The following DKKL1 variants were observed in gnomAD, a reference collection of about 807,000 sequenced individuals.
DKKL1 encodes the protein dickkopf like acrosomal protein 1.
DKKL1 carries 11 observed loss-of-function variants against 16.5 expected under a neutral mutation model. That is an observed-to-expected ratio of 0.67 (90% CI 0.42 to 1.10). DKKL1 has a LOEUF of 1.10. DKKL1 is among the 50% of genes least tolerant of loss of function. The pLI, the probability that DKKL1 is intolerant of heterozygous loss-of-function variation, is 0.00. For missense variants in DKKL1, 320 were observed against 308.1 expected (o/e 1.04, Z -0.29); for synonymous variants, 119 against 133.2 (o/e 0.89, Z 0.73).
At chr19:49,373,603 G>C (rs1373902202) in intron 4 of DKKL1, among the ~76,000 whole-genome samples, 1 of 152,018 alleles carries the variant, frequency 6.6e-6, no homozygotes, top group Non-Finnish European at 1.5e-5. Flanking sequence ...CCAAGTAGCT[G>C]GGATTACATG....
At chr19:49,370,782 T>C (rs1453142778) in intron 4 of DKKL1, 1 of 151,880 alleles carries the variant, frequency 6.6e-6, no homozygotes, top group African/African-American at 2.4e-5. Flanking sequence ...TCCAGGTAAA[T>C]GATTTCAAGG....
chr19:49,363,869 T>G, upstream of DKKL1: 1 of 1,363,556 alleles, frequency 7.3e-7, no homozygotes, highest in South Asian at 1.3e-5. Flanking sequence ...CAACCAACGC[T>G]CTAGACCAGA....
At chr19:49,368,437 G>C (rs1450246528) in intron 4 of DKKL1, among the ~76,000 whole-genome samples, 1 of 151,920 alleles carries the variant, frequency 6.6e-6, no homozygotes, top group Admixed American at 6.6e-5. Context: ...AGTGGGCCCA[G>C]ATCATGCCAC....
chr19:49,373,728 G>A (rs569694290), intron 4 of DKKL1, among the ~76,000 whole-genome samples: 5 of 151,942 alleles, frequency 3.3e-5, no homozygotes, highest in Admixed American at 3.3e-4. Flanking sequence ...CCTCAGCCTC[G>A]CAAAGTGCTG....
chr19:49,366,940 T>C (rs553145597), intron 4 of DKKL1, among the ~76,000 whole-genome samples: 1 of 152,098 alleles, frequency 6.6e-6, no homozygotes, highest in African/African-American at 2.4e-5. Flanking sequence ...ACTCCTGAGC[T>C]CAGGCAATCC....
intron 3 of DKKL1, 65 bp from the exon 4 acceptor site, chr19:49,365,728 T>C: frequency 6.2e-7 from 1 of 1,601,956 alleles, no homozygotes; most frequent in Non-Finnish European, 8.5e-7. Context: ...CAGTATCTGT[T>C]GGGAGGGAAG....
At chr19:49,363,875 C>T, upstream of DKKL1, 1 of 1,400,440 alleles carries the variant, frequency 7.1e-7, no homozygotes, top group East Asian at 2.5e-5. Context: ...ACGCTCTAGA[C>T]CAGACCTGGG....
intron 4 of DKKL1, among the ~76,000 whole-genome samples, chr19:49,371,929 T>C (rs1483924339): frequency 6.6e-6 from 1 of 152,216 alleles, no homozygotes; most frequent in East Asian, 1.9e-4. Flanking sequence ...TTCATCCATG[T>C]CCCTGCAAAG....
chr19:49,373,790 T>C (rs1182451170), intron 4 of DKKL1, among the ~76,000 whole-genome samples: 1 of 151,922 alleles, frequency 6.6e-6, no homozygotes, highest in East Asian at 1.9e-4. Flanking sequence ...ATTTAACACA[T>C]AACAATCTCC....
rs1234909589 is a variant in DKKL1 at position 49,373,233 on chromosome 19, G to A, written c.418-1484G>A. ...TGGGAGAATCGCTTGAACCCAGGAG[G>A]CAGAGGCTGCAGTGAGCCGAGATTG... On this transcript the variant is annotated intron_variant, in intron 4 of 4. Transcript: ENST00000221498. 2.6e-5 allele frequency among the ~76,000 whole-genome samples: 4 copies of A among 151,218 alleles called. No individual in the cohort carries two copies. The East Asian group carries it at 8.0e-4, about 30-fold the overall frequency.
In DKKL1 at chr19:49,374,698, C is replaced by G; in HGVS notation, c.418-19C>G. The G allele has an allele frequency of 6.6e-7, 1 of 1,517,552 alleles. No individual in the cohort carries two copies. Among genetic ancestry groups the G allele is most frequent in the African/African-American group, 1.4e-5 (1 of 71,882 alleles). The allele number at this position is 1,517,552 out of a possible 1,614,324, so 94.0% of individuals were successfully genotyped here. A position where few individuals can be genotyped will look rare whatever the true frequency, so the allele number is the denominator to read the frequency against. ...TGCTGTTTGGAGTATGAGAGGGTCT[C>G]CTTGTTCTTCCTCCCCAGGTACCCA... On this transcript the variant is annotated intron_variant, in intron 4 of 4. Transcript: ENST00000221498.
At position 49,374,857 on chromosome 19, in the gene DKKL1, C is replaced by T. The variant is rs141504284; in HGVS notation, c.558C>T (p.Gly186=). Residue 186 remains glycine (G), a synonymous_variant, in exon 5 of 5, where the codon GGC becomes GGT. Coordinates refer to ENST00000221498, the MANE Select transcript of DKKL1 (RefSeq NM_014419.4). ...RRRSHQDALE[G]GHWLSEKRHR... is the part of the protein sequence containing the mutation. ...GGTCCCACCAGGATGCCCTGGAGGGCGGCCACTGGCTCAGCGAGAAGCGAC... is the reference window on the plus strand; with the variant it reads ...GGTCCCACCAGGATGCCCTGGAGGGTGGCCACTGGCTCAGCGAGAAGCGAC... The T allele has an allele frequency of 1.2e-3, 2,006 of 1,613,938 alleles. 5 individuals are homozygous for T. Among genetic ancestry groups the T allele is most frequent in the Middle Eastern group, 6.9e-3 (42 of 6,062 alleles).
intron 4 of DKKL1, among the ~76,000 whole-genome samples, chr19:49,367,223 C>T (rs1438117226): frequency 1.3e-5 from 2 of 150,986 alleles, no homozygotes; most frequent in African/African-American, 2.4e-5. Flanking sequence ...GACAGGGTTT[C>T]GCCATGTTGG....
At chr19:49,374,609 C>G in intron 4 of DKKL1, 108 bp from the exon 5 acceptor site, 1 of 1,061,640 alleles carries the variant, frequency 9.4e-7, no homozygotes, top group African/African-American at 1.6e-5. Flanking sequence ...CTTTTGAACC[C>G]ACAAAGCATC....
upstream of DKKL1, chr19:49,363,801 G>A: frequency 1.4e-6 from 1 of 725,312 alleles, no homozygotes; most frequent in Non-Finnish European, 2.4e-6. Flanking sequence ...TCCTGGGTGA[G>A]GCCGGCAAGT....
chr19:49,373,182 A>G (rs906017881), intron 4 of DKKL1, among the ~76,000 whole-genome samples: 6 of 151,812 alleles, frequency 4.0e-5, no homozygotes, highest in Non-Finnish European at 8.8e-5. Context: ...ATGCCCCTGT[A>G]ATCCCAGCTA....
At position 49,374,900 on chromosome 19, in the gene DKKL1, C is replaced by T. The variant is rs756217539; in HGVS notation, c.601C>T (p.Arg201Trp). The part of the protein sequence containing the change: ...SEKRHRLQAI[R>W]DGLRKGTHKD... ...GAAGCGACACCGCCTGCAGGCCATCCGGGATGGACTCCGCAAGGGGACCCA... is the reference window on the plus strand; with the variant it reads ...GAAGCGACACCGCCTGCAGGCCATCTGGGATGGACTCCGCAAGGGGACCCA... The change falls in exon 5 of 5, where the codon CGG becomes TGG. Residue 201 changes from arginine to tryptophan, a missense_variant. Coordinates refer to ENST00000221498, the MANE Select transcript of DKKL1 (RefSeq NM_014419.4). 2.5e-6 allele frequency: 4 copies of T among 1,613,990 alleles called. No homozygotes were observed. Among genetic ancestry groups the T allele is most frequent in the Non-Finnish European group, 3.4e-6 (4 of 1,179,982 alleles).
intron 4 of DKKL1, among the ~76,000 whole-genome samples, chr19:49,373,477 G>GTTT (rs1568597812): frequency 6.6e-6 from 1 of 151,906 alleles, no homozygotes; most frequent in African/African-American, 2.4e-5. Flanking sequence ...TTGTTTGTTC[G>GTTT]TTTGTTTTTT....
At chr19:49,360,939 AG>A (rs1375748596), upstream of DKKL1, among the ~76,000 whole-genome samples, 8 of 83,802 alleles carry the variant, frequency 9.5e-5, no homozygotes, top group Non-Finnish European at 1.3e-4. Context: ...GACCCAGTGA[AG>A]GGGGGGACAG....
Sources: allele counts gnomAD v4.1 joint callset (sites outside exome capture counted in the v4.1 genomes callset), GRCh38; gene constraint gnomAD v4.1.1; transcripts MANE v1.5; gene names NCBI Gene and HGNC (gene_info 2026-07-23, HGNC 2026-07-21).